Variants in WT1 observed in about 807,000 individuals in gnomAD.
The protein encoded by WT1 is Wilms tumor protein.
In WT1, 8 loss-of-function variants were observed where a neutral mutation model predicts 60.8. The ratio of observed to expected loss-of-function variants is 0.13; its 90% confidence interval spans 0.08 to 0.24. The LOEUF (loss-of-function observed/expected upper bound fraction) is 0.24, where lower values mean the gene tolerates loss of function less well. WT1 is among the 10% of genes least tolerant of loss of function. The pLI is 1.00. For synonymous variants in WT1, 312 were observed against 297.1 expected, an observed-to-expected ratio of 1.05 and a Z score of -0.52; for missense variants, 568 against 711.8, an observed-to-expected ratio of 0.80 and a Z score of 2.30.
At chr11:32,428,190 G>C (rs1460905621) in intron 2 of WT1, 132 bp from the exon 3 acceptor site, 1 of 931,186 alleles carries the variant, frequency 1.1e-6, no homozygotes, top group Non-Finnish European at 1.6e-6. Context: ...GGCGTGCAGA[G>C]CGAGGCCGTC....
rs2132939936 is a variant in WT1 at position 32,396,306 on chromosome 11, C to T, written c.1215G>A (p.Lys405=). ...GTAAGTGGGACAGCTTAAAATATCT[C>T]TTATTGCAGCCTGGGTAAGCACACA... The change falls in exon 7 of 10, where the codon AAG becomes AAA. Residue 405 remains lysine, a synonymous_variant. Coordinates refer to ENST00000452863, the MANE Select transcript of WT1 (RefSeq NM_024426.6). 3.1e-6 allele frequency: 5 copies of T among 1,614,182 alleles called. No homozygotes were observed. The highest frequency in any genetic ancestry group is 4.2e-6 in the Non-Finnish European group (5 of 1,180,026).
chr11:32,428,207 G>T, intron 2 of WT1, 149 bp from the exon 3 acceptor site: 2 of 899,884 alleles, frequency 2.2e-6, no homozygotes, highest in Non-Finnish European at 3.4e-6. Context: ...CGTCCAGAAT[G>T]CAAGAAGCTA....
At chr11:32,389,318 C>T in intron 9 of WT1, 139 bp from the exon 10 acceptor site, 1 of 1,430,174 alleles carries the variant, frequency 7.0e-7, no homozygotes, top group Non-Finnish European at 9.7e-7. Flanking sequence ...ACCAACTGAG[C>T]TCATTTCCCA....
At chr11:32,416,138 G>T (rs1466990742) in intron 5 of WT1, among the ~76,000 whole-genome samples, 4 of 152,228 alleles carry the variant, frequency 2.6e-5, no homozygotes, top group Non-Finnish European at 5.9e-5. Context: ...GAAGAAGCAA[G>T]TTAAGACTGA....
At chr11:32,396,078 AG>A (rs1851960061) in intron 7 of WT1, among the ~76,000 whole-genome samples, 178 bp downstream of exon 7, 1 of 152,194 alleles carries the variant, frequency 6.6e-6, no homozygotes, top group Non-Finnish European at 1.5e-5. Context: ...TCTGTAATAA[AG>A]GATAGATAAT....
intron 5 of WT1, 25 bp from the exon 6 acceptor site, chr11:32,400,069 G>C (rs776565536): frequency 1.2e-6 from 2 of 1,612,366 alleles, no homozygotes; most frequent in Non-Finnish European, 1.7e-6. Context: ...AAGGGAAAAA[G>C]GCTCAGTGTG....
At position 32,435,002 on chromosome 11, in the gene WT1, G is replaced by T; in HGVS notation, c.359C>A (p.Ala120Asp). Residue 120 changes from alanine (A) to aspartate (D), a missense_variant, in exon 1 of 10, where the codon GCT (alanine) becomes GAT (aspartate). Ala to Asp is a moderately radical substitution (Grantham distance 126). Coordinates refer to ENST00000452863, the MANE Select transcript of WT1 (RefSeq NM_024426.6). ...CGCGGGGCCGCCCAACGACCCGTAA[G>T]CCGAAGCGCCCGGGGGCGCAAAGTC... 1 of 1,494,470 alleles carries T rather than the reference G, an allele frequency of 6.7e-7. No individual in the cohort carries two copies. Among genetic ancestry groups the T allele is most frequent in the Non-Finnish European group, 8.8e-7 (1 of 1,131,702 alleles). 92.6% of individuals were successfully genotyped at this position (1,494,470 alleles called of 1,614,324 possible).
chr11:32,412,767 C>T (rs879757455), intron 5 of WT1, among the ~76,000 whole-genome samples: 2 of 151,710 alleles, frequency 1.3e-5, no homozygotes, highest in African/African-American at 2.4e-5. Flanking sequence ...AAGTACTTTC[C>T]GTAAAGTACC....
Position 32,430,491 on chromosome 11 carries a change from A to AGAGAGAGAGAGAGG in WT1, c.662-1873_662-1872insCCTCTCTCTCTCTC, listed in dbSNP as rs757737927. 1.3e-5 allele frequency: 21 copies of AGAGAGAGAGAGAGG among 1,561,510 alleles called. No homozygotes were observed. The African/African-American group carries it at 2.8e-4, about 21-fold the overall frequency. ...GAGAGAGAGAGAGAGAGAGAGAGAG[A>AGAGAGAGAGAGAGG]CGAAATAGAAGCTACGAAGAAGTTT... On this transcript the variant is annotated intron_variant, in intron 1 of 9. Coordinates refer to ENST00000452863, the MANE Select transcript of WT1 (RefSeq NM_024426.6).
At chr11:32,392,222 C>G (rs1046091936) in intron 8 of WT1, among the ~76,000 whole-genome samples, 158 bp from the exon 9 acceptor site, 1 of 152,178 alleles carries the variant, frequency 6.6e-6, no homozygotes, top group African/African-American at 2.4e-5. Context: ...CCCCCAGGCC[C>G]AACAAGAATC....
intron 5 of WT1, among the ~76,000 whole-genome samples, chr11:32,412,954 A>G (rs1852549806): frequency 6.6e-6 from 1 of 152,084 alleles, no homozygotes; most frequent in South Asian, 2.1e-4. Flanking sequence ...TCATCTGCCC[A>G]TGTTCTTTAT....
At chr11:32,389,539 T>C (rs776547196) in intron 9 of WT1, among the ~76,000 whole-genome samples, 1 of 152,184 alleles carries the variant, frequency 6.6e-6, no homozygotes, top group Non-Finnish European at 1.5e-5. Context: ...TTCTCCCCCT[T>C]GTTGAGTAAG....
At chr11:32,402,637 C>T (rs1852190918) in intron 5 of WT1, among the ~76,000 whole-genome samples, 1 of 152,198 alleles carries the variant, frequency 6.6e-6, no homozygotes, top group Non-Finnish European at 1.5e-5. Context: ...CCTTGAATTC[C>T]CTGGCTCAAT....
intron 1 of WT1, among the ~76,000 whole-genome samples, chr11:32,432,750 C>T (rs941666729): frequency 6.6e-6 from 1 of 152,216 alleles, no homozygotes; most frequent in Non-Finnish European, 1.5e-5. Context: ...TCCCACCCCC[C>T]ACGACATGTG....
intron 5 of WT1, among the ~76,000 whole-genome samples, chr11:32,407,697 T>C (rs1852358168): frequency 6.6e-6 from 1 of 152,164 alleles, no homozygotes; most frequent in African/African-American, 2.4e-5. Context: ...CGTGAGATGC[T>C]GAAATGCCTG....
At chr11:32,425,029 T>G (rs1197395685) in intron 3 of WT1, among the ~76,000 whole-genome samples, 1 of 151,964 alleles carries the variant, frequency 6.6e-6, no homozygotes, top group African/African-American at 2.4e-5. Flanking sequence ...AATACAAAAA[T>G]TAGCTGGGCA....
At chr11:32,414,087 A>G (rs1264415876) in intron 5 of WT1, among the ~76,000 whole-genome samples, 9 of 152,204 alleles carry the variant, frequency 5.9e-5, no homozygotes, top group African/African-American at 1.9e-4. Context: ...ATGGAAGCGG[A>G]AATTCGTGGA....
At chr11:32,407,082 G>C (rs912446907) in intron 5 of WT1, among the ~76,000 whole-genome samples, 1 of 152,104 alleles carries the variant, frequency 6.6e-6, no homozygotes, top group Non-Finnish European at 1.5e-5. Context: ...CTCAGCGACA[G>C]AGCGAGACTC....
chr11:32,418,961 GTA>G (rs1301022331), intron 3 of WT1, among the ~76,000 whole-genome samples: 1 of 152,178 alleles, frequency 6.6e-6, no homozygotes, highest in East Asian at 1.9e-4. Context: ...CAAACTCAAA[GTA>G]TGTGCCGTTT....
Sources: allele counts gnomAD v4.1 joint callset (sites outside exome capture counted in the v4.1 genomes callset), GRCh38; gene constraint gnomAD v4.1.1; transcripts MANE v1.5; gene names NCBI Gene and HGNC (gene_info 2026-07-23, HGNC 2026-07-21).